The following NUP98 variants were observed in gnomAD, a reference collection of about 807,000 sequenced individuals.
NUP98 encodes nuclear pore complex protein Nup98-Nup96.
Under a neutral mutation model 191.9 loss-of-function variants are expected in NUP98, and 26 were observed. The ratio of observed to expected loss-of-function variants is 0.14; its 90% CI spans 0.10 to 0.19. The LOEUF is 0.19. Ranked by LOEUF, NUP98 falls within the 10% of genes least tolerant of loss-of-function variation. The probability of loss-of-function intolerance (pLI) is 1.00; values close to 1 mark genes in which losing one functional copy is unlikely to be tolerated. For missense variants in NUP98, 1,941 were observed against 2,178.8 expected, an observed-to-expected ratio of 0.89 and a Z score of 2.17; for synonymous variants, 808 against 778.4, an observed-to-expected ratio of 1.04 and a Z score of -0.63.
At chr11:3,701,055 G>A (rs1236801433) in intron 23 of NUP98, among the ~76,000 whole-genome samples, 2 of 152,048 alleles carry the variant, frequency 1.3e-5, no homozygotes, top group Admixed American at 6.6e-5. Context: ...AGAACACAAA[G>A]GCTTCTTAGG....
intron 4 of NUP98, 34 bp from the exon 5 acceptor site, chr11:3,776,055 G>C (rs1256843022): frequency 1.3e-6 from 2 of 1,541,576 alleles, no homozygotes; most frequent in East Asian, 2.3e-5. Flanking sequence ...GACGATAACA[G>C]TAAGAAATTT....
chr11:3,783,552 A>G (rs921843358), intron 1 of NUP98, among the ~76,000 whole-genome samples: 1 of 152,168 alleles, frequency 6.6e-6, no homozygotes, highest in Non-Finnish European at 1.5e-5. Context: ...TACAAAAATT[A>G]GCCAGGCGTG....
At chr11:3,726,525 TAAA>T (rs781738636) in intron 14 of NUP98, among the ~76,000 whole-genome samples, 6 of 127,468 alleles carry the variant, frequency 4.7e-5, no homozygotes, top group Non-Finnish European at 6.7e-5. Context: ...CCACTGACAT[TAAA>T]AAAAAAAAAA....
chr11:3,751,886 G>C (rs1217903808), intron 11 of NUP98, among the ~76,000 whole-genome samples: 3 of 151,810 alleles, frequency 2.0e-5, no homozygotes, highest in African/African-American at 7.3e-5. Flanking sequence ...ATCTTAAAAA[G>C]AAGACTGAAG....
intron 23 of NUP98, among the ~76,000 whole-genome samples, 177 bp downstream of exon 23, chr11:3,702,286 C>G (rs1022797093): frequency 2.0e-5 from 1 of 49,988 alleles, no homozygotes; most frequent in African/African-American, 8.0e-5. Context: ...CTGAGACACA[C>G]ACACACACAC....
chr11:3,756,630 C>G (rs969807437), intron 10 of NUP98, among the ~76,000 whole-genome samples: 5 of 34 alleles, frequency 0.15, 1 homozygote, highest in East Asian at 0.62. Flanking sequence ...ACCATGCTGG[C>G]CAGTCTATCT....
intron 14 of NUP98, among the ~76,000 whole-genome samples, chr11:3,728,788 T>C (rs1249859382): frequency 6.6e-6 from 1 of 152,006 alleles, no homozygotes; most frequent in Non-Finnish European, 1.5e-5. Context: ...GAAGAGTATA[T>C]TGTGGTAATT....
chr11:3,793,535 T>C (rs58240266), intron 1 of NUP98, among the ~76,000 whole-genome samples: 1 of 151,922 alleles, frequency 6.6e-6, no homozygotes, highest in Non-Finnish European at 1.5e-5. Context: ...ATCCACCCGC[T>C]TCAGCCTCCC....
chr11:3,754,422 C>A (rs1165852930), intron 10 of NUP98, among the ~76,000 whole-genome samples: 1 of 151,080 alleles, frequency 6.6e-6, no homozygotes, highest in East Asian at 1.9e-4. Flanking sequence ...GACTCTGTTT[C>A]AAAAAAAATA....
At chr11:3,743,445 G>GAC (rs1304523551) in intron 12 of NUP98, among the ~76,000 whole-genome samples, 1 of 145,778 alleles carries the variant, frequency 6.9e-6, no homozygotes, top group Non-Finnish European at 1.5e-5. Context: ...AGGAGATCGA[G>GAC]ACCATCCTGG....
chr11:3,691,114 A>C (rs1027298936), intron 28 of NUP98, among the ~76,000 whole-genome samples: 1 of 152,216 alleles, frequency 6.6e-6, no homozygotes, highest in African/African-American at 2.4e-5. Context: ...AAAACTTATC[A>C]CACTGCATAC....
rs2079025461 is a variant in NUP98 at position 3,711,642 on chromosome 11, A to G, written c.2742+922T>C. On this transcript the variant is annotated intron_variant, in intron 20 of 32. Coordinates refer to ENST00000324932, the MANE Select transcript of NUP98 (RefSeq NM_016320.5). ...AAGGAGATGATACAAAGCATATGAC[A>G]GACAAAATGAATATGGATAACTGGA... The G allele has an allele frequency of 1.7e-5, 3 of 178,028 alleles. No homozygotes were observed. The South Asian group carries it at 5.9e-4, about 35-fold the overall frequency. The allele number at this position is 178,028 out of a possible 1,614,324, so 11.0% of individuals were successfully genotyped here.
intron 22 of NUP98, among the ~76,000 whole-genome samples, chr11:3,704,057 A>C (rs2078788284): frequency 6.6e-6 from 1 of 152,202 alleles, no homozygotes; most frequent in Non-Finnish European, 1.5e-5. Flanking sequence ...CATGGAGTTA[A>C]ATATTATTGA....
rs901407301 is a variant in NUP98, at chr11:3,686,086, G to A, written c.4563C>T (p.Thr1521=). The A allele has an allele frequency of 6.2e-7, 1 of 1,614,048 alleles. No homozygotes were observed. Among genetic ancestry groups the A allele is most frequent in the Non-Finnish European group, 8.5e-7 (1 of 1,180,026 alleles). The change falls in exon 29 of 33, where the codon ACC becomes ACT. Residue 1521 remains threonine (T), a synonymous_variant. Coordinates refer to ENST00000324932, the MANE Select transcript of NUP98 (RefSeq NM_016320.5). ...LWEVLRALNY[T]HLSAQCEGVL... The stretch of plus-strand genomic sequence containing the variant: ...CACCTTCACACTGCGCTGAGAGATG[G>A]GTGTAGTTAAGAGCCCTCAGCACTT...
intron 11 of NUP98, among the ~76,000 whole-genome samples, chr11:3,750,878 C>T (rs779719891): frequency 6.6e-6 from 1 of 152,128 alleles, no homozygotes; most frequent in Admixed American, 6.6e-5. Context: ...TCAAGCAATC[C>T]TCCTGCCTAG....
In NUP98 at chr11:3,731,471, T is replaced by C. The variant is rs1332375279; in HGVS notation, c.1650A>G (p.Thr550=). Residue 550 remains threonine (T), a synonymous_variant, in exon 14 of 33, where the codon ACA becomes ACG. Transcript: ENST00000324932. ...AGAGATGTGACTTGGCTGTGCCTGT[T>C]GTTTGTAAAGCCTTTGGCCGGACTC... The part of the protein sequence containing the change: ...ATRVRPKALQ[T]TGTAKSHLFD... The C allele has an allele frequency of 6.2e-7, 1 of 1,608,742 alleles. No individual in the cohort carries two copies. The highest frequency in any genetic ancestry group is 8.5e-7 in the Non-Finnish European group (1 of 1,177,292).
chr11:3,697,839 AAAAAAAG>A (rs2078560282), intron 25 of NUP98, among the ~76,000 whole-genome samples: 1 of 151,390 alleles, frequency 6.6e-6, no homozygotes, highest in African/African-American at 2.4e-5. Flanking sequence ...AAAAAAAAAA[AAAAAAAG>A]ATTTATATCT....
At position 3,719,447 on chromosome 11, in the gene NUP98, A is replaced by G. The variant is rs536590910; in HGVS notation, c.2364T>C (p.Asp788=). The G allele has an allele frequency of 4.4e-6, 7 of 1,598,888 alleles. No homozygotes were observed. Among genetic ancestry groups the G allele is most frequent in the African/African-American group, 1.4e-5 (1 of 73,904 alleles). Reference sequence around the variant, plus strand: ...CTTCACCCACAGGTGGTTTTTGGTTATCATCTAAGTAGACAACTACTTCTT... The same window carrying G: ...CTTCACCCACAGGTGGTTTTTGGTTGTCATCTAAGTAGACAACTACTTCTT... ...RRKEVVVYLD[D]NQKPPVGEGL... The change falls in exon 18 of 33, where the codon GAT becomes GAC. Residue 788 remains aspartate (D), a synonymous_variant. Coordinates refer to ENST00000324932, the MANE Select transcript of NUP98 (RefSeq NM_016320.5).
chr11:3,796,280 C>T (rs1427091996), intron 1 of NUP98, among the ~76,000 whole-genome samples: 1 of 152,198 alleles, frequency 6.6e-6, no homozygotes, highest in Non-Finnish European at 1.5e-5. Flanking sequence ...CTACTACAAA[C>T]GGACTCCTAC....
Sources: gnomAD v4.1 joint callset for allele counts (sites outside exome capture counted in the v4.1 genomes callset) on GRCh38, gnomAD v4.1.1 for gene constraint, MANE v1.5 for transcripts, NCBI Gene and HGNC (gene_info 2026-07-23, HGNC 2026-07-21) for gene names.